Variants in USP7 observed in about 807,000 individuals in gnomAD.
USP7 encodes the protein ubiquitin specific peptidase 7.
In USP7, 9 loss-of-function variants were observed where a neutral mutation model predicts 162.9. The observed-to-expected ratio is 0.06, with a 90% CI of 0.03 to 0.10. The LOEUF is 0.10. Among genes scored for constraint, USP7 ranks in the 10% least tolerant of loss-of-function variants. The probability of loss-of-function intolerance (pLI) is 1.00; values close to 1 mark genes in which losing one functional copy is unlikely to be tolerated. For synonymous variants in USP7, 562 were observed against 475.9 expected, an observed-to-expected ratio of 1.18 and a Z score of -2.35; for missense variants, 715 against 1,373.7, an observed-to-expected ratio of 0.52 and a Z score of 7.58.
intron 1 of USP7, among the ~76,000 whole-genome samples, chr16:8,962,249 G>A (rs915336606): frequency 3.3e-5 from 5 of 152,202 alleles, no homozygotes; most frequent in Non-Finnish European, 7.3e-5. Context: ...ACTCCCGACA[G>A]CCTGAACTCG....
chr16:8,932,041 C>A (rs923601202), intron 1 of USP7, among the ~76,000 whole-genome samples: 1 of 152,148 alleles, frequency 6.6e-6, no homozygotes, highest in Non-Finnish European at 1.5e-5. Context: ...TTCAGCACCA[C>A]GGACAGTGCC....
intron 1 of USP7, among the ~76,000 whole-genome samples, chr16:8,960,326 A>T (rs1191701337): frequency 1.3e-5 from 2 of 152,140 alleles, no homozygotes; most frequent in Non-Finnish European, 2.9e-5. Context: ...TTCACCCTTC[A>T]TCACTTTCCT....
chr16:8,937,111 T>A (rs1257970382), intron 1 of USP7, among the ~76,000 whole-genome samples: 2 of 151,956 alleles, frequency 1.3e-5, no homozygotes, highest in Non-Finnish European at 2.9e-5. Context: ...AAGTGAAAAA[T>A]TTCAGGGCAC....
chr16:8,962,727 G>A (rs938568120), intron 1 of USP7: 6 of 168,746 alleles, frequency 3.6e-5, no homozygotes, highest in Non-Finnish European at 7.9e-5. Flanking sequence ...CTGTTAGAAA[G>A]TGATTTGGAA....
chr16:8,924,933 ATTAT>A (rs1276700452), intron 2 of USP7, among the ~76,000 whole-genome samples: 2 of 152,194 alleles, frequency 1.3e-5, no homozygotes, highest in South Asian at 2.1e-4. Context: ...GTCCAAAATA[ATTAT>A]TTATTTGAGC....
At chr16:8,952,922 C>G (rs1246222972) in intron 1 of USP7, among the ~76,000 whole-genome samples, 1 of 152,004 alleles carries the variant, frequency 6.6e-6, no homozygotes, top group Non-Finnish European at 1.5e-5. Flanking sequence ...CTGCAACCTC[C>G]GCTTCCTGGG....
intron 1 of USP7, among the ~76,000 whole-genome samples, chr16:8,931,429 C>T (rs1346273858): frequency 6.6e-6 from 1 of 152,186 alleles, no homozygotes; most frequent in East Asian, 1.9e-4. Flanking sequence ...TCAAGTGATC[C>T]ACCTGCCTTG....
chr16:8,921,688 C>A (rs1897697720), intron 3 of USP7, among the ~76,000 whole-genome samples: 2 of 152,210 alleles, frequency 1.3e-5, no homozygotes, highest in Non-Finnish European at 2.9e-5. Context: ...CCAGCACATG[C>A]TGGGGGAAAA....
intron 17 of USP7, 21 bp from the exon 18 acceptor site, chr16:8,902,208 G>A (rs760698171): frequency 1.1e-5 from 17 of 1,610,146 alleles, no homozygotes; most frequent in Non-Finnish European, 1.4e-5. Context: ...AAGAGACGCT[G>A]ATTTTAGAAG....
intron 1 of USP7, among the ~76,000 whole-genome samples, chr16:8,947,913 C>T (rs1899361502): frequency 6.6e-6 from 1 of 152,176 alleles, no homozygotes; most frequent in African/African-American, 2.4e-5. Flanking sequence ...AAGCAGCTGC[C>T]ACATGCCATT....
chr16:8,945,819 G>C lies in USP7; in HGVS notation c.80-15422C>G, dbSNP rs376981126. 3.9e-5 allele frequency among the ~76,000 whole-genome samples: 6 copies of C among 152,060 alleles called. No homozygotes were observed. In the South Asian group the frequency reaches 8.3e-4, roughly 21 times the overall value. On this transcript the variant is annotated intron_variant, in intron 1 of 30. Coordinates refer to ENST00000344836, the MANE Select transcript of USP7 (RefSeq NM_003470.3). ...TAATCCCAGCACTTTAGGAAGCCAA[G>C]GCAAGAAGACTGCTTGAGGCCAGGA...
Position 8,917,085 on chromosome 16 carries a change from G to A in USP7, c.792C>T (p.Phe264=), listed in dbSNP as rs766986124. The stretch of plus-strand genomic sequence containing the variant: ...GTTTATCACTATGCTGTAATTCATA[G>A]AACACTCTTTGTAATGCTAAAGGGA... ...KSVPLALQRV[F]YELQHSDKPV... is the part of the protein sequence containing the mutation. The change falls in exon 7 of 31, where the codon TTC becomes TTT. Residue 264 remains phenylalanine, a synonymous_variant. Transcript: ENST00000344836. 8.7e-6 allele frequency: 14 copies of A among 1,612,868 alleles called. No homozygotes were observed. Among genetic ancestry groups the A allele is most frequent in the East Asian group, 2.2e-5 (1 of 44,830 alleles).
In USP7 at chr16:8,963,457, C is replaced by G. The variant is rs1299251735; in HGVS notation, c.-172G>C. On this transcript the variant is annotated 5_prime_UTR_variant, in exon 1 of 31. Transcript: ENST00000344836. ...CCCCGGGGCGGCCCGCGGCGGGCGG[C>G]GGCGGCGGCAGGGAGACGCGCACGT... is the stretch of plus-strand genomic sequence containing the variant. 1.4e-5 allele frequency: 2 copies of G among 138,428 alleles called. No homozygotes were observed. The highest frequency in any genetic ancestry group is 1.4e-4 in the Admixed American group (2 of 13,988). The allele number at this position is 138,428 out of a possible 1,614,324, so 8.6% of individuals were successfully genotyped here.
Position 8,893,430 on chromosome 16 carries a change from A to C in USP7, c.*568T>G, listed in dbSNP as rs2061632507. The C allele has an allele frequency of 6.5e-6, 1 of 154,194 alleles. No individual in the cohort carries two copies. Among genetic ancestry groups the C allele is most frequent in the Admixed American group, 6.4e-5 (1 of 15,698 alleles). 9.6% of individuals were successfully genotyped at this position (154,194 alleles called of 1,614,324 possible). ...GTGGCTGACGAGGTGAGACAAGTTT[A>C]TTAAAAAGCCCCCAGGCAGCTGGAG... On this transcript the variant is annotated 3_prime_UTR_variant, in exon 31 of 31. Transcript: ENST00000344836.
chr16:8,942,035 T>A (rs1899068690), intron 1 of USP7, among the ~76,000 whole-genome samples: 1 of 151,894 alleles, frequency 6.6e-6, no homozygotes, highest in Admixed American at 6.5e-5. Flanking sequence ...AAGCACAGAG[T>A]GCAAGAAGCC....
At chr16:8,956,601 C>T (rs779231502) in intron 1 of USP7, among the ~76,000 whole-genome samples, 1 of 152,062 alleles carries the variant, frequency 6.6e-6, no homozygotes, top group Non-Finnish European at 1.5e-5. Context: ...GCCATCTCTA[C>T]TAAAATATAA....
rs543344357 is a variant in USP7 at position 8,939,822 on chromosome 16, G to A, written c.80-9425C>T. 4.6e-5 allele frequency among the ~76,000 whole-genome samples: 7 copies of A among 152,328 alleles called. No homozygotes were observed. The South Asian group carries it at 6.2e-4, about 14-fold the overall frequency. ...CCCCTAAAGAAGACTGTTTCTGGCC[G>A]AGCGCAGTGGCTCACGCCTGTAATC... On this transcript the variant is annotated intron_variant, in intron 1 of 30. Coordinates refer to ENST00000344836, the MANE Select transcript of USP7 (RefSeq NM_003470.3).
chr16:8,933,270 A>G (rs1446103854), intron 1 of USP7, among the ~76,000 whole-genome samples: 1 of 152,144 alleles, frequency 6.6e-6, no homozygotes, highest in Non-Finnish European at 1.5e-5. Flanking sequence ...TTAGCCAAGC[A>G]CAGTGGCTCA....
chr16:8,897,726 A>ATATATAT (rs61280114), intron 25 of USP7, among the ~76,000 whole-genome samples: 2 of 7,134 alleles, frequency 2.8e-4, no homozygotes, highest in Non-Finnish European at 2.3e-4. Context: ...AAAAAAAAAA[A>ATATATAT]ATATATATAT....
Sources: allele counts gnomAD v4.1 joint callset (sites outside exome capture counted in the v4.1 genomes callset), GRCh38; gene constraint gnomAD v4.1.1; transcripts MANE v1.5; gene names NCBI Gene and HGNC (gene_info 2026-07-23, HGNC 2026-07-21).